Variants in RMP24 observed in about 807,000 individuals in gnomAD.
RMP24 encodes ribonuclease MRP protein subunit p24.
At chr18:35,978,888 A>G in the RMP24 span, 1 of 1,613,220 alleles carries the variant, frequency 6.2e-7, no homozygotes, top group Non-Finnish European at 8.5e-7. Context: ...AACACCAGCA[A>G]AACAAAGAAA....
the RMP24 span, chr18:35,972,907 G>C: frequency 3.7e-6 from 6 of 1,614,028 alleles, no homozygotes; most frequent in African/African-American, 6.7e-5. Flanking sequence ...TTCGTCGCAC[G>C]GTAAGAAGAA....
chr18:35,976,797 GTA>G, the RMP24 span, among the ~76,000 whole-genome samples: 1 of 152,142 alleles, frequency 6.6e-6, no homozygotes, highest in African/African-American at 2.4e-5. Context: ...ATGTTAAAGA[GTA>G]TTATCTCCCA....
the RMP24 span, chr18:35,977,518 C>T: frequency 6.2e-7 from 1 of 1,614,170 alleles, no homozygotes; most frequent in Non-Finnish European, 8.5e-7. Flanking sequence ...TAAACTCAGC[C>T]TGAAGACACC....
At chr18:35,976,354 G>A in the RMP24 span, among the ~76,000 whole-genome samples, 1 of 151,928 alleles carries the variant, frequency 6.6e-6, no homozygotes, top group African/African-American at 2.4e-5. Context: ...TCCAAAAAGT[G>A]TAAAGCAACA....
the RMP24 span, chr18:35,977,567 G>T: frequency 6.2e-7 from 1 of 1,613,788 alleles, no homozygotes; most frequent in African/African-American, 1.3e-5. Context: ...GACATGTCTG[G>T]CTCGAAAGGC....
the RMP24 span, chr18:35,974,754 T>C: frequency 2.6e-6 from 2 of 770,470 alleles, no homozygotes; most frequent in East Asian, 2.7e-5. Flanking sequence ...AATTTATCTT[T>C]TTGTAAATTT....
At chr18:35,979,241 T>C in the RMP24 span, 1 of 317,986 alleles carries the variant, frequency 3.1e-6, no homozygotes, top group Non-Finnish European at 5.8e-6. Flanking sequence ...TCTATAGATA[T>C]ATATGTGTAT....
At chr18:35,972,924 T>C in the RMP24 span, 3 of 1,613,924 alleles carry the variant, frequency 1.9e-6, no homozygotes, top group African/African-American at 4.0e-5. Context: ...AGAACGCCTG[T>C]CTCTTGTGCT....
At chr18:35,978,338 C>T in the RMP24 span, among the ~76,000 whole-genome samples, 45 of 152,274 alleles carry the variant, frequency 3.0e-4, no homozygotes, top group African/African-American at 8.7e-4. Flanking sequence ...GAACCATTCA[C>T]GGCCGGGCAT....
chr18:35,974,234 A>G, the RMP24 span, among the ~76,000 whole-genome samples: 4 of 152,220 alleles, frequency 2.6e-5, no homozygotes, highest in Non-Finnish European at 4.4e-5. Context: ...CAATACTTCT[A>G]TTCCCCCCTC....
the RMP24 span, chr18:35,972,854 T>G: frequency 3.7e-6 from 6 of 1,614,202 alleles, no homozygotes; most frequent in Non-Finnish European, 4.2e-6. Context: ...GGTGTTCCTT[T>G]GCTCCTCACA....
At chr18:35,973,828 A>C in the RMP24 span, 4 of 152,210 alleles carry the variant, frequency 2.6e-5, no homozygotes, top group African/African-American at 9.7e-5. Flanking sequence ...AGGGTGAGGC[A>C]TGAGAATCTC....
chr18:35,977,463 A>G, the RMP24 span: 1 of 1,614,136 alleles, frequency 6.2e-7, no homozygotes, highest in Non-Finnish European at 8.5e-7. Flanking sequence ...GTAAAAGTAG[A>G]AGCTTTGTGT....
At chr18:35,977,514 C>T in the RMP24 span, 1 of 1,614,186 alleles carries the variant, frequency 6.2e-7, no homozygotes, top group Non-Finnish European at 8.5e-7. Flanking sequence ...CAAGTAAACT[C>T]AGCCTGAAGA....
the RMP24 span, among the ~76,000 whole-genome samples, chr18:35,976,980 C>CAT: frequency 1.3e-5 from 2 of 152,162 alleles, no homozygotes; most frequent in Non-Finnish European, 2.9e-5. Context: ...GTAATCCCAG[C>CAT]ATTTTGGGAG....
chr18:35,975,125 A>G, the RMP24 span: 1 of 1,567,420 alleles, frequency 6.4e-7, no homozygotes, highest in Non-Finnish European at 8.7e-7. Context: ...ATGTATGAGT[A>G]AACTAGAATT....
At chr18:35,978,068 C>T in the RMP24 span, among the ~76,000 whole-genome samples, 5 of 152,190 alleles carry the variant, frequency 3.3e-5, no homozygotes, top group Non-Finnish European at 5.9e-5. Context: ...GCTCCTTTTT[C>T]TCCATAGTGC....
At chr18:35,977,568 C>G in the RMP24 span, 18 of 1,613,688 alleles carry the variant, frequency 1.1e-5, no homozygotes, top group Non-Finnish European at 1.5e-5. Context: ...ACATGTCTGG[C>G]TCGAAAGGCA....
chr18:35,974,961 C>T, the RMP24 span: 4 of 1,614,124 alleles, frequency 2.5e-6, no homozygotes, highest in South Asian at 2.2e-5. Context: ...GGATAACTCT[C>T]GAGTGCGTCT....
Sources: allele counts gnomAD v4.1 joint callset (sites outside exome capture counted in the v4.1 genomes callset), GRCh38; gene constraint gnomAD v4.1.1; transcripts MANE v1.5; gene names NCBI Gene and HGNC (gene_info 2026-07-23, HGNC 2026-07-21).